Variants in PPP2R2B observed in about 807,000 individuals in gnomAD.
PPP2R2B encodes serine/threonine-protein phosphatase 2A 55 kDa regulatory subunit B beta isoform.
PPP2R2B carries 5 observed loss-of-function variants against 46.0 expected under a neutral mutation model. The observed-to-expected ratio is 0.11, with a 90% CI of 0.06 to 0.23. The LOEUF (loss-of-function observed/expected upper bound fraction) is 0.23, where lower values mean the gene tolerates loss of function less well. Ranked by LOEUF, PPP2R2B falls within the 10% of genes least tolerant of loss-of-function variation. PPP2R2B has a pLI of 1.00. For missense variants in PPP2R2B, 367 were observed against 575.0 expected (o/e 0.64, Z 3.70); for synonymous variants, 215 against 206.7 (o/e 1.04, Z -0.34).
chr5:146,825,271 T>C (rs1380449619), intron 2 of PPP2R2B, among the ~76,000 whole-genome samples: 1 of 152,156 alleles, frequency 6.6e-6, no homozygotes, highest in Non-Finnish European at 1.5e-5. Context: ...GTTTCTCCTC[T>C]TTGGTTCAGC....
chr5:146,696,355 C>T (rs1406119836), intron 4 of PPP2R2B, among the ~76,000 whole-genome samples: 6 of 152,176 alleles, frequency 3.9e-5, no homozygotes, highest in East Asian at 1.9e-4. Flanking sequence ...CTGCCCGCCT[C>T]GGCCTCCCAA....
rs530341662 is a variant in PPP2R2B, at chr5:147,045,057, C to T, written c.79+10608G>A. Among the ~76,000 whole-genome samples, 13 of 152,232 alleles carry T rather than the reference C, an allele frequency of 8.5e-5. No homozygotes were observed. The South Asian group carries it at 2.7e-3, about 32-fold the overall frequency. ...TTTGTCTGGATGTCAAGACAATAAACAGGTGTCCATGTTTATAAAGCAGTT... is the reference window on the plus strand; with the variant it reads ...TTTGTCTGGATGTCAAGACAATAAATAGGTGTCCATGTTTATAAAGCAGTT... On this transcript the variant is annotated intron_variant, in intron 1 of 8. Transcript: ENST00000336640.
intron 6 of PPP2R2B, among the ~76,000 whole-genome samples, chr5:146,650,121 A>G (rs543739507): frequency 2.2e-3 from 333 of 152,306 alleles, no homozygotes; most frequent in Non-Finnish European, 3.7e-3. Context: ...TTGGAACTCA[A>G]TAAATGTCAG....
intron 2 of PPP2R2B, among the ~76,000 whole-genome samples, chr5:146,824,920 A>G (rs1216752795): frequency 6.6e-6 from 1 of 152,024 alleles, no homozygotes; most frequent in Non-Finnish European, 1.5e-5. Flanking sequence ...ACAGGGCTTC[A>G]CCATGTTGGC....
intron 8 of PPP2R2B, among the ~76,000 whole-genome samples, chr5:146,597,578 C>G (rs1455767983): frequency 6.6e-6 from 1 of 152,102 alleles, no homozygotes; most frequent in African/African-American, 2.4e-5. Context: ...ACTTTCTACC[C>G]TTTGTTTACC....
At chr5:146,847,268 T>C (rs2151378497) in intron 2 of PPP2R2B, among the ~76,000 whole-genome samples, 1 of 152,302 alleles carries the variant, frequency 6.6e-6, no homozygotes, top group South Asian at 2.1e-4. Flanking sequence ...AAAGTTCAAA[T>C]CTTCAATTCA....
At chr5:146,633,552 A>C (rs1477232941) in intron 7 of PPP2R2B, among the ~76,000 whole-genome samples, 2 of 152,374 alleles carry the variant, frequency 1.3e-5, no homozygotes, top group Middle Eastern at 3.4e-3. Flanking sequence ...TCTTTGAAGG[A>C]GTCAGGAAAA....
intron 1 of PPP2R2B, among the ~76,000 whole-genome samples, chr5:146,895,722 A>G (rs1021545891): frequency 4.6e-5 from 7 of 152,216 alleles, no homozygotes; most frequent in African/African-American, 1.4e-4. Flanking sequence ...ATATTTTCAT[A>G]CTATTTTGTA....
intron 1 of PPP2R2B, among the ~76,000 whole-genome samples, chr5:146,891,676 CTG>C (rs1762494874): frequency 6.6e-6 from 1 of 152,102 alleles, no homozygotes; most frequent in Non-Finnish European, 1.5e-5. Context: ...GCAAAGATAA[CTG>C]TTAGTAATTT....
At chr5:146,622,979 A>T (rs570958911) in intron 7 of PPP2R2B, among the ~76,000 whole-genome samples, 1 of 152,356 alleles carries the variant, frequency 6.6e-6, no homozygotes, top group Non-Finnish European at 1.5e-5. Context: ...ATTCTGAGAT[A>T]CATATCACCT....
chr5:146,828,991 T>C (rs1758752054), intron 2 of PPP2R2B, among the ~76,000 whole-genome samples: 1 of 152,210 alleles, frequency 6.6e-6, no homozygotes, highest in African/African-American at 2.4e-5. Flanking sequence ...AATATTTTCC[T>C]TAACATAGAG....
intron 1 of PPP2R2B, chr5:147,081,198 C>A (rs1171790111): frequency 1.3e-6 from 2 of 1,534,466 alleles, no homozygotes; most frequent in East Asian, 2.4e-5. Flanking sequence ...TCTTAAGAGA[C>A]CAACAAGAAA....
At chr5:146,904,081 C>T (rs1005187741) in intron 1 of PPP2R2B, among the ~76,000 whole-genome samples, 9 of 152,138 alleles carry the variant, frequency 5.9e-5, no homozygotes, top group African/African-American at 7.2e-5. Flanking sequence ...TGAGAGCCAA[C>T]TGTAGTAGGC....
intron 2 of PPP2R2B, among the ~76,000 whole-genome samples, chr5:146,807,966 A>AT (rs796370383): frequency 2.3e-4 from 35 of 150,792 alleles, no homozygotes; most frequent in African/African-American, 7.5e-4. Context: ...CGCCCAGCTA[A>AT]TTTTTTGTAT....
At chr5:146,607,640 T>C (rs1185750808) in intron 7 of PPP2R2B, 5 of 152,258 alleles carry the variant, frequency 3.3e-5, no homozygotes, top group Non-Finnish European at 5.9e-5. Context: ...TTTTAACAAC[T>C]AATCATTCAT....
chr5:146,647,154 T>C (rs1223779730), intron 6 of PPP2R2B, among the ~76,000 whole-genome samples: 1 of 152,260 alleles, frequency 6.6e-6, no homozygotes, highest in Non-Finnish European at 1.5e-5. Context: ...ACTTACTTTG[T>C]AATCTAAATA....
intron 2 of PPP2R2B, among the ~76,000 whole-genome samples, chr5:146,765,685 C>G (rs968462844): frequency 6.6e-6 from 1 of 152,222 alleles, no homozygotes; most frequent in Non-Finnish European, 1.5e-5. Context: ...ACACACATTA[C>G]ATTTAGAACT....
In PPP2R2B at chr5:146,878,173, T is replaced by G; in HGVS notation, c.-102A>C. The G allele has an allele frequency of 6.2e-7, 1 of 1,600,152 alleles. No individual in the cohort carries two copies. The highest frequency in any genetic ancestry group is 8.5e-7 in the Non-Finnish European group (1 of 1,172,860). ...CAGGAGAGGGGGGCAGGGGAGCCAG[T>G]GGGACTGCACCATGGTCCGAGCCTG... On this transcript the variant is annotated 5_prime_UTR_variant, in exon 2 of 10. Coordinates refer to ENST00000394411, the MANE Select transcript of PPP2R2B (RefSeq NM_181675.4). This position sits in a 1 kb window ranked among gnomAD's most constrained non-coding sequence, Gnocchi z 4.5.
intron 7 of PPP2R2B, among the ~76,000 whole-genome samples, chr5:146,615,053 G>T (rs1261929126): frequency 1.1e-5 from 1 of 91,218 alleles, no homozygotes. Flanking sequence ...ACATGCACAC[G>T]TATGTTTATT....
Sources: gnomAD v4.1 joint callset for allele counts (sites outside exome capture counted in the v4.1 genomes callset) on GRCh38, gnomAD v4.1.1 for gene constraint, Gnocchi (gnomAD v3.1) non-coding constraint, MANE v1.5 for transcripts, NCBI Gene and HGNC (gene_info 2026-07-23, HGNC 2026-07-21) for gene names.